The following DAB1 variants were observed in gnomAD, a reference collection of about 807,000 sequenced individuals.
DAB1 encodes disabled homolog 1.
In DAB1, 15 loss-of-function variants were observed where a neutral mutation model predicts 64.6. The observed-to-expected ratio is 0.23, with a 90% confidence interval of 0.16 to 0.36. The LOEUF (loss-of-function observed/expected upper bound fraction) is 0.36. Ranked by LOEUF, DAB1 falls within the 10% of genes least tolerant of loss-of-function variation. The pLI, the probability that DAB1 is intolerant of heterozygous loss-of-function variation, is 1.00. For synonymous variants in DAB1, 235 were observed against 251.9 expected, an observed-to-expected ratio of 0.93 and a Z score of 0.64; for missense variants, 596 against 706.7, an observed-to-expected ratio of 0.84 and a Z score of 1.78.
chr1:58,402,028 T>G (rs1644574075), intron 3 of DAB1, among the ~76,000 whole-genome samples: 1 of 152,240 alleles, frequency 6.6e-6, no homozygotes, highest in African/African-American at 2.4e-5. Flanking sequence ...CAATTCTTGA[T>G]GGAGTCTTGA....
rs926988974 is a variant in DAB1, at chr1:57,577,745, G to A, written n.625+71847C>T. Among the ~76,000 whole-genome samples the A allele has an allele frequency of 3.3e-5, 5 of 152,130 alleles. No homozygotes were observed. In the South Asian group the frequency reaches 6.2e-4, roughly 19 times the overall value. ...AAACCTGCTGAATCCAAATTTCTGA[G>A]GGCAGACTCTGGATTGTTCATACTT... On this transcript the variant is annotated intron_variant and non_coding_transcript_variant, in intron 7 of 20. Coordinates refer to the DAB1 transcript ENST00000485760.
intron 5 of DAB1, among the ~76,000 whole-genome samples, chr1:58,054,224 C>T (rs896542257): frequency 6.6e-6 from 1 of 152,212 alleles, no homozygotes; most frequent in Admixed American, 6.5e-5. Context: ...CTGCCTTTCT[C>T]CTTCCATTTC....
chr1:58,187,651 C>G (rs1172623486), intron 4 of DAB1, among the ~76,000 whole-genome samples: 1 of 151,026 alleles, frequency 6.6e-6, no homozygotes, highest in African/African-American at 2.4e-5. Flanking sequence ...ATGATCTTAG[C>G]TCACTGCAAC....
intron 1 of DAB1, among the ~76,000 whole-genome samples, chr1:57,851,543 A>G (rs547910426): frequency 6.6e-6 from 1 of 152,306 alleles, no homozygotes; most frequent in South Asian, 2.1e-4. Flanking sequence ...TGAGCAGAAG[A>G]GTACTGGGAT....
Position 58,143,208 on chromosome 1 carries a change from A to G in DAB1, n.387+7303T>C, listed in dbSNP as rs566035039. ...AATGTACACACACAGTAAGTCCTCA[A>G]TAAATGCTTTATTGAATGGAAGTGT... On this transcript the variant is annotated intron_variant and non_coding_transcript_variant, in intron 5 of 20. Transcript: ENST00000485760. Among the ~76,000 whole-genome samples, 16 of 152,270 alleles carry G rather than the reference A, an allele frequency of 1.1e-4. No homozygotes were observed. The South Asian group carries it at 3.3e-3, about 32-fold the overall frequency.
chr1:57,520,221 T>A (rs1477563671), intron 7 of DAB1, among the ~76,000 whole-genome samples: 1 of 152,218 alleles, frequency 6.6e-6, no homozygotes, highest in Non-Finnish European at 1.5e-5. Flanking sequence ...AAGGGTTAAT[T>A]TTCTTTTTTA....
chr1:58,082,517 G>T (rs998499579), intron 5 of DAB1, among the ~76,000 whole-genome samples: 3 of 152,064 alleles, frequency 2.0e-5, no homozygotes, highest in Admixed American at 6.5e-5. Flanking sequence ...GTAGCATAAA[G>T]GTAGCTAAGT....
chr1:58,545,981 C>T (rs936289288), intron 1 of DAB1, among the ~76,000 whole-genome samples: 1 of 152,168 alleles, frequency 6.6e-6, no homozygotes, highest in Non-Finnish European at 1.5e-5. Flanking sequence ...GAGGGTTGCA[C>T]GACCTTGATC....
chr1:57,001,104 G>A (rs958377575), intron 14 of DAB1, among the ~76,000 whole-genome samples: 6 of 152,160 alleles, frequency 3.9e-5, no homozygotes, highest in African/African-American at 1.4e-4. Context: ...TATACGTTTT[G>A]GCAATAGCTG....
intron 5 of DAB1, among the ~76,000 whole-genome samples, chr1:58,066,948 G>A (rs1267144424): frequency 6.6e-6 from 1 of 152,188 alleles, no homozygotes. Context: ...GGGCTCTGCA[G>A]GGCCTGCTCC....
chr1:57,806,704 CTGGAA>C (rs1651378776), intron 6 of DAB1, among the ~76,000 whole-genome samples: 1 of 152,194 alleles, frequency 6.6e-6, no homozygotes, highest in Non-Finnish European at 1.5e-5. Context: ...TTCCATCTAC[CTGGAA>C]TAGTCTTCCC....
At chr1:57,089,342 A>G (rs559119867) in intron 4 of DAB1, among the ~76,000 whole-genome samples, 6 of 152,348 alleles carry the variant, frequency 3.9e-5, no homozygotes, top group Non-Finnish European at 7.3e-5. Flanking sequence ...TTGCATTGCT[A>G]TAAAGAAATA....
intron 5 of DAB1, among the ~76,000 whole-genome samples, chr1:58,119,456 T>C (rs1363508710): frequency 6.6e-6 from 1 of 152,184 alleles, no homozygotes; most frequent in African/African-American, 2.4e-5. Context: ...ATAAGTAATA[T>C]ATGTATCCCT....
chr1:57,411,426 C>A (rs964045608), intron 1 of DAB1, among the ~76,000 whole-genome samples: 4 of 152,240 alleles, frequency 2.6e-5, no homozygotes, highest in Non-Finnish European at 4.4e-5. Flanking sequence ...TAGAACTGGG[C>A]TACCAGCCAA....
chr1:58,398,776 G>A (rs1644544771), intron 3 of DAB1, among the ~76,000 whole-genome samples: 2 of 152,212 alleles, frequency 1.3e-5, no homozygotes, highest in East Asian at 3.8e-4. Context: ...AGGAAGGCTG[G>A]CTCCTCAGTG....
In DAB1 at chr1:57,914,341, A is replaced by C. The variant is rs557193288; in HGVS notation, n.388-30179T>G. ...CCATTATTCTCAGCAAACTACCACA[A>C]GGACAAAAAACCAAACACCCCATGT... On this transcript the variant is annotated intron_variant and non_coding_transcript_variant, in intron 5 of 20. Transcript: ENST00000485760. Among the ~76,000 whole-genome samples the C allele has an allele frequency of 4.0e-5, 6 of 151,500 alleles. No homozygotes were observed. In the South Asian group the frequency reaches 1.3e-3, roughly 32 times the overall value.
At chr1:58,000,392 A>G (rs1467119186) in intron 5 of DAB1, among the ~76,000 whole-genome samples, 4 of 152,160 alleles carry the variant, frequency 2.6e-5, no homozygotes, top group East Asian at 1.9e-4. Context: ...CAGCTGCTGT[A>G]TGTGTTTTGG....
At chr1:57,998,796 A>C (rs944131430) in intron 5 of DAB1, among the ~76,000 whole-genome samples, 2 of 152,234 alleles carry the variant, frequency 1.3e-5, no homozygotes, top group African/African-American at 4.8e-5. Context: ...TAGGGAGAGA[A>C]TATTAGGATT....
intron 7 of DAB1, among the ~76,000 whole-genome samples, chr1:57,456,210 T>A (rs1686586402): frequency 6.6e-6 from 1 of 152,172 alleles, no homozygotes; most frequent in East Asian, 1.9e-4. Flanking sequence ...AGGTATTTCA[T>A]TTTTCTCTTT....
Sources: gnomAD v4.1 joint callset for allele counts (sites outside exome capture counted in the v4.1 genomes callset) on GRCh38, gnomAD v4.1.1 for gene constraint, MANE v1.5 for transcripts, NCBI Gene and HGNC (gene_info 2026-07-23, HGNC 2026-07-21) for gene names.